ITPR1: variants seen among roughly 807,000 people sequenced by gnomAD.
The protein encoded by ITPR1 is inositol 1,4,5-trisphosphate-gated calcium channel ITPR1.
ITPR1 carries 96 observed loss-of-function variants against 318.4 expected under a neutral mutation model. The observed-to-expected ratio is 0.30, with a 90% CI of 0.26 to 0.36. The LOEUF (loss-of-function observed/expected upper bound fraction) is 0.36, where lower values mean the gene tolerates loss of function less well. ITPR1 is among the 10% of genes least tolerant of loss of function. ITPR1 has a pLI of 1.00. For missense variants in ITPR1, 2,440 were observed against 3,460.2 expected (o/e 0.71, Z 7.40); for synonymous variants, 1,312 against 1,289.9 (o/e 1.02, Z -0.37).
At position 4,814,474 on chromosome 3, in the gene ITPR1, C is replaced by T. The variant is rs756574306; in HGVS notation, c.7613C>T (p.Thr2538Met). 51 of 1,613,566 alleles carry T rather than the reference C, an allele frequency of 3.2e-5. No individual in the cohort carries two copies. The highest frequency in any genetic ancestry group is 4.2e-5 in the Non-Finnish European group (49 of 1,179,710). The change falls in exon 58 of 62, where the codon ACG becomes ATG. Residue 2538 changes from threonine to methionine, a missense_variant. This residue lies in a region of ITPR1 where 88 missense variants were observed against 90.5 expected (regional missense o/e 0.97). Coordinates refer to ENST00000649015, the MANE Select transcript of ITPR1 (RefSeq NM_001378452.1). ...CAGGATAAAGAGCACACATGTGAGA[C>T]GCTGCTGATGTGCATTGTCACTGTG... Reference protein sequence around the residue: ...TEQDKEHTCETLLMCIVTVLS... With the variant: ...TEQDKEHTCEMLLMCIVTVLS...
Position 4,626,029 on chromosome 3 carries a change from C to G in ITPR1, c.164-1734C>G, listed in dbSNP as rs952414140. Among the ~76,000 whole-genome samples the G allele has an allele frequency of 2.0e-5, 3 of 152,060 alleles. No individual in the cohort carries two copies. The East Asian group carries it at 5.8e-4, about 29-fold the overall frequency. On this transcript the variant is annotated intron_variant, in intron 4 of 61. Transcript: ENST00000649015. ...TCTGGTGAAGCCCAAATATTAGCTA[C>G]TTGAGAAGCTGAGGCAGGAGGATGG... is the stretch of plus-strand genomic sequence containing the variant.
At position 4,768,887 on chromosome 3, in the gene ITPR1, T is replaced by A. The variant is rs187358430; in HGVS notation, c.5979+123T>A. On this transcript the variant is annotated intron_variant, in intron 46 of 61. Transcript: ENST00000649015. ...GCTTGAGCCAAGGATCCAGCAAGGT[T>A]CTTTTTTTTCCTTTTTCTTTTTTCT... 384 of 931,312 alleles carry A rather than the reference T, an allele frequency of 4.1e-4. 1 individual carries two copies. The African/African-American group carries it at 5.2e-3, about 13-fold the overall frequency. 57.7% of individuals were successfully genotyped at this position (931,312 alleles called of 1,614,324 possible). A position where few individuals can be genotyped will look rare whatever the true frequency, so the allele number is the denominator to read the frequency against.
chr3:4,706,337 A>G lies in ITPR1; in HGVS notation c.4828A>G (p.Ile1610Val). The change falls in exon 37 of 62, where the codon ATT (isoleucine) becomes GTT (valine). Residue 1610 changes from isoleucine to valine, a missense_variant. Coordinates refer to ENST00000649015, the MANE Select transcript of ITPR1 (RefSeq NM_001378452.1). ...AGCTTCCAGAGACTACCGGAATATC[A>G]TTGAGAGATTGCAGGTAATGCCTGG... ...LAASRDYRNI[I>V]ERLQDIVSAL... 6.2e-7 allele frequency: 1 copy of G among 1,609,586 alleles called. No individual in the cohort carries two copies. The highest frequency in any genetic ancestry group is 8.5e-7 in the Non-Finnish European group (1 of 1,176,488).
chr3:4,576,254 TTAGAG>T (rs2088643399), intron 4 of ITPR1, among the ~76,000 whole-genome samples: 1 of 152,190 alleles, frequency 6.6e-6, no homozygotes, highest in African/African-American at 2.4e-5. Flanking sequence ...ATTGGAGTTG[TTAGAG>T]TAGATAGTAC....
chr3:4,734,377 CCT>C (rs149954149), intron 43 of ITPR1, among the ~76,000 whole-genome samples: 23,927 of 152,120 alleles, frequency 0.16, 1,985 homozygotes, highest in African/African-American at 0.19. Flanking sequence ...CCAATTTCTA[CCT>C]TGTGCTATAG....
chr3:4,547,803 C>G (rs6775645), intron 4 of ITPR1, among the ~76,000 whole-genome samples: 1 of 152,186 alleles, frequency 6.6e-6, no homozygotes, highest in Non-Finnish European at 1.5e-5. Flanking sequence ...TTGCCCTTCC[C>G]TCCTCAGGAC....
intron 31 of ITPR1, 81 bp downstream of exon 31, chr3:4,688,701 G>GT (rs2094435622): frequency 1.4e-6 from 2 of 1,420,514 alleles, no homozygotes; most frequent in African/African-American, 1.4e-5. Flanking sequence ...TTCTTTGGCT[G>GT]TTGTGGCTTC....
intron 45 of ITPR1, among the ~76,000 whole-genome samples, chr3:4,768,014 G>A (rs2045930435): frequency 6.6e-6 from 1 of 152,202 alleles, no homozygotes; most frequent in Non-Finnish European, 1.5e-5. Context: ...ACTGCTAACT[G>A]TAATGCCATA....
intron 11 of ITPR1, among the ~76,000 whole-genome samples, chr3:4,653,000 T>G (rs535720880): frequency 1.2e-4 from 19 of 152,248 alleles, no homozygotes; most frequent in African/African-American, 4.6e-4. Flanking sequence ...AAAAAATGTC[T>G]GTGAAGAGTT....
rs886058612 is a variant in ITPR1, at chr3:4,665,206, C to T, written c.1623C>T (p.Leu541=). 15 of 1,613,998 alleles carry T rather than the reference C, an allele frequency of 9.3e-6. No individual in the cohort carries two copies. The highest frequency in any genetic ancestry group is 5.0e-5 in the Admixed American group (3 of 60,026). ...GCCCAATGCTTCGGCTGGAAGAGCT[C>T]GGGGACCAGCGGCACGCTCCTTTCA... The part of the protein sequence containing the change: ...GDGPMLRLEE[L]GDQRHAPFRH... The change falls in exon 17 of 62, where the codon CTC becomes CTT. Residue 541 remains leucine, a synonymous_variant. Coordinates refer to ENST00000649015, the MANE Select transcript of ITPR1 (RefSeq NM_001378452.1).
chr3:4,633,170 T>C (rs2093069563), intron 5 of ITPR1, among the ~76,000 whole-genome samples: 1 of 152,118 alleles, frequency 6.6e-6, no homozygotes, highest in South Asian at 2.1e-4. Context: ...TCTCCTGAAC[T>C]CATGATCCAC....
intron 25 of ITPR1, 146 bp downstream of exon 25, chr3:4,680,837 T>A: frequency 2.8e-6 from 2 of 712,064 alleles, no homozygotes; most frequent in Non-Finnish European, 4.5e-6. Flanking sequence ...GTTACTCTTT[T>A]TGAGCAAGTG....
chr3:4,814,604 T>TGGGGTGGG, intron 58 of ITPR1, 42 bp downstream of exon 58: 1 of 420,670 alleles, frequency 2.4e-6, no homozygotes, highest in Non-Finnish European at 4.2e-6. Context: ...AGGGGGCGGG[T>TGGGGTGGG]GGGGTGGTTG....
intron 2 of ITPR1, among the ~76,000 whole-genome samples, chr3:4,507,453 A>G (rs76916272): frequency 6.6e-6 from 1 of 152,174 alleles, no homozygotes. Flanking sequence ...TGGGTATTGT[A>G]TGAGATCTTT....
intron 4 of ITPR1, among the ~76,000 whole-genome samples, chr3:4,576,832 A>G (rs989650873): frequency 2.0e-5 from 3 of 152,206 alleles, no homozygotes; most frequent in African/African-American, 7.2e-5. Context: ...ATTTAAGAGA[A>G]AGGAATGGGA....
chr3:4,696,673 GTTTTTTTTT>G (rs10546052), intron 33 of ITPR1, among the ~76,000 whole-genome samples: 2 of 117,248 alleles, frequency 1.7e-5, no homozygotes, highest in Non-Finnish European at 3.5e-5. Context: ...CTTGCCGTGT[GTTTTTTTTT>G]TTTTTTTTTT....
At chr3:4,736,981 T>G (rs2043319846) in intron 44 of ITPR1, among the ~76,000 whole-genome samples, 1 of 152,334 alleles carries the variant, frequency 6.6e-6, no homozygotes, top group Non-Finnish European at 1.5e-5. Flanking sequence ...TGGTGAACTT[T>G]TCATAAACCA....
At chr3:4,756,317 C>T (rs530234545) in intron 44 of ITPR1, among the ~76,000 whole-genome samples, 1 of 144,070 alleles carries the variant, frequency 6.9e-6, no homozygotes, top group South Asian at 2.2e-4. Flanking sequence ...AGTGAAATTT[C>T]AGCCAAATTT....
intron 44 of ITPR1, among the ~76,000 whole-genome samples, chr3:4,744,916 CCTTCCTTCCTTCCTTCCTTCCT>C (rs1264482651): frequency 6.4e-5 from 2 of 31,464 alleles, no homozygotes. Context: ...TTCCTTCCTT[CCTTCCTTCCTTCCTTCCTTCCT>C]TCCTTCCTTC....
Sources: gnomAD v4.1 joint callset for allele counts (sites outside exome capture counted in the v4.1 genomes callset) on GRCh38, gnomAD v4.1.1 for gene constraint, gnomAD v4.1.1 regional missense constraint, MANE v1.5 for transcripts, NCBI Gene and HGNC (gene_info 2026-07-23, HGNC 2026-07-21) for gene names.